Variants in LRFN5 observed in about 807,000 individuals in gnomAD.
The protein encoded by LRFN5 is leucine rich repeat and fibronectin type III domain containing 5, also known as leucine-rich repeat and fibronectin type-III domain-containing protein 5.
Under a neutral mutation model 45.6 loss-of-function variants are expected in LRFN5, and 24 were observed. That is an observed-to-expected ratio of 0.53 (90% CI 0.38 to 0.74). The LOEUF is 0.74. LRFN5 is among the 30% of genes least tolerant of loss of function. The pLI is 0.00. For synonymous variants in LRFN5, 340 were observed against 313.8 expected (o/e 1.08, Z -0.88); for missense variants, 776 against 861.5 (o/e 0.90, Z 1.24).
At chr14:41,630,483 C>A (rs1888495543) in intron 1 of LRFN5, among the ~76,000 whole-genome samples, 1 of 152,090 alleles carries the variant, frequency 6.6e-6, no homozygotes, top group South Asian at 2.1e-4. Flanking sequence ...ACATTCTTCT[C>A]ATTTGTTTAA....
intron 1 of LRFN5, among the ~76,000 whole-genome samples, chr14:41,704,778 A>T (rs1882996054): frequency 6.6e-6 from 1 of 152,082 alleles, no homozygotes; most frequent in African/African-American, 2.4e-5. Flanking sequence ...AGTTGTATAT[A>T]CAACAGGAAA....
chr14:41,784,494 G>T (rs779072998), intron 2 of LRFN5, among the ~76,000 whole-genome samples: 1 of 150,836 alleles, frequency 6.6e-6, no homozygotes, highest in African/African-American at 2.4e-5. Context: ...TTTCTTCCTC[G>T]CAAAGACTCT....
At chr14:41,670,251 A>G (rs1881121650) in intron 1 of LRFN5, among the ~76,000 whole-genome samples, 1 of 98,056 alleles carries the variant, frequency 1.0e-5, no homozygotes, top group African/African-American at 4.0e-5. Context: ...ACACACATAC[A>G]CACAGATATA....
Position 41,741,828 on chromosome 14 carries a change from C to CAAAA in LRFN5, c.-196-25023_-196-25020dup, listed in dbSNP as rs1372616682. On this transcript the variant is annotated intron_variant, in intron 1 of 5. Transcript: ENST00000298119. ...AGGGGCTAAAATAAAAAAAAAAAACCAAAAAACTAATTTAGTAATAGACAA... is the reference window on the plus strand; with the variant it reads ...AGGGGCTAAAATAAAAAAAAAAAACCAAAAAAAAAACTAATTTAGTAATAGACAA... 1.5e-3 allele frequency among the ~76,000 whole-genome samples: 204 copies of CAAAA among 133,438 alleles called. 1 individual carries two copies. The highest frequency in any genetic ancestry group is 2.0e-3 in the African/African-American group (75 of 36,906). The allele number at this position is 133,438 out of a possible 152,430, so 87.5% of individuals were successfully genotyped here. A position where few individuals can be genotyped will look rare whatever the true frequency, so the allele number is the denominator to read the frequency against.
At chr14:41,739,354 C>T (rs1766321717) in intron 1 of LRFN5, among the ~76,000 whole-genome samples, 1 of 152,032 alleles carries the variant, frequency 6.6e-6, no homozygotes, top group Admixed American at 6.6e-5. Flanking sequence ...CACTGCACTC[C>T]AGCCTGAGTG....
chr14:41,791,139 G>C (rs143920965), intron 2 of LRFN5, among the ~76,000 whole-genome samples: 1 of 151,582 alleles, frequency 6.6e-6, no homozygotes, highest in Admixed American at 6.6e-5. Flanking sequence ...CAGATCATCT[G>C]TATATTTTTT....
chr14:41,620,200 G>A (rs1036737636), intron 1 of LRFN5, among the ~76,000 whole-genome samples: 1 of 151,896 alleles, frequency 6.6e-6, no homozygotes, highest in African/African-American at 2.4e-5. Context: ...TACAGAAATT[G>A]TTAAAAAAAT....
chr14:41,791,578 A>C (rs994340516), intron 2 of LRFN5, among the ~76,000 whole-genome samples: 4 of 152,052 alleles, frequency 2.6e-5, no homozygotes, highest in Admixed American at 2.6e-4. Context: ...GGGAAGTAAA[A>C]ATTTCAAGAC....
intron 2 of LRFN5, among the ~76,000 whole-genome samples, chr14:41,883,344 A>G (rs1890453683): frequency 9.3e-6 from 1 of 108,044 alleles, no homozygotes; most frequent in Admixed American, 9.7e-5. Flanking sequence ...CTATTTATAA[A>G]CACATTAAAA....
At chr14:41,777,963 C>T (rs1434954132) in intron 2 of LRFN5, among the ~76,000 whole-genome samples, 1 of 136,832 alleles carries the variant, frequency 7.3e-6, no homozygotes, top group Non-Finnish European at 1.5e-5. Context: ...ACATTGCAGA[C>T]AGGATAAAAG....
At chr14:41,810,140 C>T (rs1288370408) in intron 2 of LRFN5, among the ~76,000 whole-genome samples, 1 of 151,840 alleles carries the variant, frequency 6.6e-6, no homozygotes, top group Non-Finnish European at 1.5e-5. Context: ...AATTGTAGAC[C>T]AATACACAGA....
chr14:41,679,411 C>T (rs574455557), intron 1 of LRFN5, among the ~76,000 whole-genome samples: 7 of 152,052 alleles, frequency 4.6e-5, no homozygotes, highest in Non-Finnish European at 7.4e-5. Context: ...ACCTGTATAC[C>T]GGCTAAGCCA....
chr14:41,785,092 G>T (rs767903061), intron 2 of LRFN5, among the ~76,000 whole-genome samples: 1 of 151,972 alleles, frequency 6.6e-6, no homozygotes. Flanking sequence ...TTTTTTTGGA[G>T]TGGTGTTTGA....
intron 2 of LRFN5, among the ~76,000 whole-genome samples, chr14:41,836,122 A>G (rs1888655392): frequency 6.6e-6 from 1 of 152,124 alleles, no homozygotes; most frequent in Non-Finnish European, 1.5e-5. Flanking sequence ...GCTTACTTGG[A>G]CTTGGGGGAA....
chr14:41,849,467 C>T (rs1889187757), intron 2 of LRFN5, among the ~76,000 whole-genome samples: 1 of 151,732 alleles, frequency 6.6e-6, no homozygotes, highest in Non-Finnish European at 1.5e-5. Flanking sequence ...AAGTGGGAGG[C>T]TCTTTTCAGA....
chr14:41,779,078 T>C (rs920347575), intron 2 of LRFN5, among the ~76,000 whole-genome samples: 2 of 151,818 alleles, frequency 1.3e-5, no homozygotes. Context: ...ATATTGTTCT[T>C]GATTTTAGAG....
At chr14:41,782,037 T>G (rs1886547628) in intron 2 of LRFN5, among the ~76,000 whole-genome samples, 1 of 152,084 alleles carries the variant, frequency 6.6e-6, no homozygotes, top group African/African-American at 2.4e-5. Context: ...TTCTCTGAGC[T>G]TCCTGGATCT....
At position 41,891,765 on chromosome 14, in the gene LRFN5, C is replaced by T. The variant is rs775815146; in HGVS notation, c.1901C>T (p.Thr634Ile). 1.2e-6 allele frequency: 2 copies of T among 1,614,200 alleles called. No homozygotes were observed. The highest frequency in any genetic ancestry group is 1.1e-5 in the South Asian group (1 of 91,088). ...ACCTCTGCTTTGCCTCCTTCCTGGACTTCAAGCACTTCTGTGTCCCAAAAG... is the reference window on the plus strand; with the variant it reads ...ACCTCTGCTTTGCCTCCTTCCTGGATTTCAAGCACTTCTGTGTCCCAAAAG... ...TTTSALPPSW[T>I]SSTSVSQKQK... Residue 634 changes from threonine to isoleucine, a missense_variant, in exon 4 of 6, where the codon ACT (threonine) becomes ATT (isoleucine). Around this residue, in one of 2 missense-constraint regions of LRFN5, gnomAD observed 465 missense variants for 456.4 expected, o/e 1.02. Coordinates refer to ENST00000298119, the MANE Select transcript of LRFN5 (RefSeq NM_152447.5).
intron 1 of LRFN5, among the ~76,000 whole-genome samples, chr14:41,637,414 C>G (rs997496899): frequency 4.6e-5 from 7 of 151,734 alleles, no homozygotes; most frequent in African/African-American, 1.5e-4. Flanking sequence ...TTTCCCTTTT[C>G]CAAACCTGCC....
Sources: gnomAD v4.1 joint callset for allele counts (sites outside exome capture counted in the v4.1 genomes callset) on GRCh38, gnomAD v4.1.1 for gene constraint, gnomAD v4.1.1 regional missense constraint, MANE v1.5 for transcripts, NCBI Gene and HGNC (gene_info 2026-07-23, HGNC 2026-07-21) for gene names.